Variants in RTN1 observed in about 807,000 individuals in gnomAD.
RTN1 encodes reticulon-1.
Under a neutral mutation model 65.5 loss-of-function variants are expected in RTN1, and 25 were observed. That is an observed-to-expected ratio of 0.38 (90% CI 0.28 to 0.53). RTN1 has a LOEUF of 0.53. Ranked by LOEUF, RTN1 falls within the 20% of genes least tolerant of loss-of-function variation. RTN1 has a pLI of 0.79. For missense variants in RTN1, 983 were observed against 1,025.4 expected, an observed-to-expected ratio of 0.96 and a Z score of 0.57; for synonymous variants, 471 against 447.6, an observed-to-expected ratio of 1.05 and a Z score of -0.66.
intron 3 of RTN1, among the ~76,000 whole-genome samples, chr14:59,608,406 G>A (rs779611813): frequency 1.3e-5 from 2 of 152,244 alleles, no homozygotes; most frequent in African/African-American, 4.8e-5. Flanking sequence ...GAAGACAGAA[G>A]TGATCAGGTT....
chr14:59,661,137 G>A (rs758160253), intron 3 of RTN1, among the ~76,000 whole-genome samples: 1 of 150,694 alleles, frequency 6.6e-6, no homozygotes, highest in South Asian at 2.1e-4. Flanking sequence ...AGAAAATCTA[G>A]AAGAAATGGA....
intron 3 of RTN1, among the ~76,000 whole-genome samples, chr14:59,655,345 T>C (rs1183125036): frequency 6.6e-6 from 1 of 152,312 alleles, no homozygotes; most frequent in Non-Finnish European, 1.5e-5. Context: ...TGTTCATAGA[T>C]TGAAAGATTT....
intron 3 of RTN1, among the ~76,000 whole-genome samples, chr14:59,671,174 C>A (rs879201472): frequency 6.6e-6 from 1 of 152,084 alleles, no homozygotes; most frequent in East Asian, 1.9e-4. Context: ...AAAGACACAT[C>A]AAAAAGTCAT....
intron 2 of RTN1, among the ~76,000 whole-genome samples, chr14:59,731,857 G>T (rs993369514): frequency 6.6e-6 from 1 of 152,004 alleles, no homozygotes; most frequent in Non-Finnish European, 1.5e-5. Context: ...TTCTTCCCTA[G>T]GCTCTCTTCT....
intron 3 of RTN1, among the ~76,000 whole-genome samples, chr14:59,682,038 CT>C (rs1385245708): frequency 1.3e-5 from 2 of 152,162 alleles, no homozygotes; most frequent in Non-Finnish European, 2.9e-5. Context: ...TGGTGCTACC[CT>C]TTAAGAAGCT....
chr14:59,793,604 A>G, intron 1 of RTN1, among the ~76,000 whole-genome samples: 1 of 151,348 alleles, frequency 6.6e-6, no homozygotes, highest in Non-Finnish European at 1.5e-5. Context: ...AATTCATAAA[A>G]ATTCTATTAC....
At chr14:59,728,397 T>C (rs1235110528) in intron 2 of RTN1, among the ~76,000 whole-genome samples, 6 of 152,054 alleles carry the variant, frequency 3.9e-5, no homozygotes, top group Non-Finnish European at 8.8e-5. Context: ...ATTCTTTCCC[T>C]TTCTTCTCCT....
intron 1 of RTN1, among the ~76,000 whole-genome samples, chr14:59,775,424 A>G (rs1350278688): frequency 6.6e-6 from 1 of 152,122 alleles, no homozygotes; most frequent in Non-Finnish European, 1.5e-5. Context: ...GCTTAGACAA[A>G]TCCTATCCCA....
At chr14:59,665,761 T>C (rs1319832138) in intron 3 of RTN1, among the ~76,000 whole-genome samples, 2 of 151,384 alleles carry the variant, frequency 1.3e-5, no homozygotes, top group South Asian at 2.1e-4. Flanking sequence ...ACCAAGCAAA[T>C]GGAAAGCAAA....
rs1402955496 is a variant in RTN1, at chr14:59,674,318, C to G, written c.1765+52601G>C. Among the ~76,000 whole-genome samples the G allele has an allele frequency of 3.9e-5, 6 of 152,146 alleles. 1 individual carries two copies. The highest frequency in any genetic ancestry group is 8.8e-5 in the Non-Finnish European group (6 of 68,040). On this transcript the variant is annotated intron_variant, in intron 3 of 8. Coordinates refer to ENST00000267484, the MANE Select transcript of RTN1 (RefSeq NM_021136.3). ...GGTAGTTTTCCAAATTCTAATTTAA[C>G]AAGCAGTGATAGCATGCCTAGTGCT...
chr14:59,860,397 G>A, intron 1 of RTN1, among the ~76,000 whole-genome samples: 1 of 152,352 alleles, frequency 6.6e-6, no homozygotes, highest in South Asian at 2.1e-4. Flanking sequence ...GATTTCAGAG[G>A]ATGTATGCAA....
At chr14:59,814,338 T>A (rs1886781535) in intron 1 of RTN1, among the ~76,000 whole-genome samples, 1 of 152,206 alleles carries the variant, frequency 6.6e-6, no homozygotes, top group South Asian at 2.1e-4. Flanking sequence ...AAAGTCACTG[T>A]AGTAAAGTGA....
chr14:59,683,192 G>A (rs1013822), intron 3 of RTN1, among the ~76,000 whole-genome samples: 110,573 of 151,964 alleles, frequency 0.73, 40,471 homozygotes, highest in Non-Finnish European at 0.74. Flanking sequence ...TGAAAAATAC[G>A]TTAATTAATC....
intron 3 of RTN1, among the ~76,000 whole-genome samples, chr14:59,662,508 GCATAGTATTCCATGGAGTATATGTGCCA>G (rs1326606293): frequency 1.3e-5 from 2 of 152,058 alleles, no homozygotes; most frequent in Non-Finnish European, 2.9e-5. Context: ...TTTTATGGCT[GCATAGTATTCCATGGAGTATATGTGCCA>G]CATTTTCTTA....
At chr14:59,628,196 C>T (rs1216638774) in intron 3 of RTN1, among the ~76,000 whole-genome samples, 1 of 152,146 alleles carries the variant, frequency 6.6e-6, no homozygotes, top group Non-Finnish European at 1.5e-5. Context: ...ATTCCAGTGA[C>T]TTCAACCCTG....
intron 1 of RTN1, among the ~76,000 whole-genome samples, chr14:59,771,885 GTTA>G (rs1398177044): frequency 6.6e-6 from 1 of 152,192 alleles, no homozygotes; most frequent in Non-Finnish European, 1.5e-5. Context: ...GCTTTTAAGA[GTTA>G]TTAGACAATT....
At chr14:59,714,248 A>C (rs7158532) in intron 3 of RTN1, among the ~76,000 whole-genome samples, 70,286 of 151,294 alleles carry the variant, frequency 0.46, 18,209 homozygotes, top group African/African-American at 0.69. Context: ...AAAAAAAAAA[A>C]AAAAAATAGA....
chr14:59,837,974 G>A (rs1363517580), intron 1 of RTN1, among the ~76,000 whole-genome samples: 1 of 151,902 alleles, frequency 6.6e-6, no homozygotes, highest in Non-Finnish European at 1.5e-5. Context: ...AGATTCAGGG[G>A]GTACATGTGC....
At chr14:59,677,385 G>T (rs1190073031) in intron 3 of RTN1, among the ~76,000 whole-genome samples, 1 of 152,196 alleles carries the variant, frequency 6.6e-6, no homozygotes, top group African/African-American at 2.4e-5. Context: ...TGTGGTCAAT[G>T]AGGAAATCAT....
Sources: allele counts gnomAD v4.1 joint callset (sites outside exome capture counted in the v4.1 genomes callset), GRCh38; gene constraint gnomAD v4.1.1; transcripts MANE v1.5; gene names NCBI Gene and HGNC (gene_info 2026-07-23, HGNC 2026-07-21).